BBS9: variants seen among roughly 807,000 people sequenced by gnomAD.
BBS9 encodes the protein protein PTHB1.
BBS9 carries 89 observed loss-of-function variants against 117.7 expected under a neutral mutation model. The ratio of observed to expected loss-of-function variants is 0.76; its 90% confidence interval spans 0.64 to 0.90. The LOEUF is 0.90. BBS9 is among the 40% of genes least tolerant of loss of function. The pLI is 0.00. For synonymous variants in BBS9, 379 were observed against 370.9 expected, an observed-to-expected ratio of 1.02 and a Z score of -0.25; for missense variants, 982 against 1,042.2, an observed-to-expected ratio of 0.94 and a Z score of 0.80.
intron 5 of BBS9, among the ~76,000 whole-genome samples, chr7:33,230,924 G>A (rs908856220): frequency 2.6e-5 from 4 of 151,936 alleles, no homozygotes; most frequent in South Asian, 2.1e-4. Context: ...ATTTTCCTTC[G>A]GGTAGATACC....
intron 4 of BBS9, among the ~76,000 whole-genome samples, chr7:33,174,268 T>A (rs939550888): frequency 6.6e-6 from 1 of 152,220 alleles, no homozygotes; most frequent in African/African-American, 2.4e-5. Context: ...ATAGGCCTAG[T>A]GGGTACCTCG....
At chr7:33,244,156 G>A (rs937972228) in intron 5 of BBS9, among the ~76,000 whole-genome samples, 1 of 152,166 alleles carries the variant, frequency 6.6e-6, no homozygotes, top group African/African-American at 2.4e-5. Context: ...CCTGAACCCG[G>A]GAGGTAGAGG....
intron 19 of BBS9, among the ~76,000 whole-genome samples, chr7:33,465,897 C>A (rs1325147543): frequency 6.6e-6 from 1 of 152,018 alleles, no homozygotes; most frequent in Non-Finnish European, 1.5e-5. Context: ...AAAAGGATTT[C>A]ATTTCTTACT....
At chr7:33,402,141 A>C (rs1452103988) in intron 19 of BBS9, among the ~76,000 whole-genome samples, 1 of 152,132 alleles carries the variant, frequency 6.6e-6, no homozygotes, top group Admixed American at 6.5e-5. Context: ...TAATTTTATG[A>C]ATGTAATTAT....
intron 19 of BBS9, among the ~76,000 whole-genome samples, chr7:33,424,701 G>T (rs1434498128): frequency 1.3e-5 from 2 of 152,114 alleles, no homozygotes; most frequent in Admixed American, 1.3e-4. Flanking sequence ...AGACCATAGT[G>T]TAATGAAATT....
chr7:33,421,654 A>G (rs78571438), intron 19 of BBS9, among the ~76,000 whole-genome samples: 3,964 of 152,290 alleles, frequency 0.026, 173 homozygotes, highest in African/African-American at 0.091. Context: ...ATGTTGAGAT[A>G]TAGAGGGATT....
At chr7:33,146,052 C>T (rs754299141) in intron 1 of BBS9, among the ~76,000 whole-genome samples, 190 bp from the exon 2 acceptor site, 30 of 152,176 alleles carry the variant, frequency 2.0e-4, no homozygotes, top group Non-Finnish European at 3.7e-4. Context: ...AATTTACTAA[C>T]GGTGTTGCAA....
intron 2 of BBS9, among the ~76,000 whole-genome samples, chr7:33,149,575 A>T (rs1327289686): frequency 1.3e-5 from 2 of 152,200 alleles, no homozygotes; most frequent in African/African-American, 4.8e-5. Context: ...AGGGAGAGAG[A>T]GAGGATCTGA....
chr7:33,488,082 C>T (rs917066374), intron 19 of BBS9, among the ~76,000 whole-genome samples: 1 of 152,156 alleles, frequency 6.6e-6, no homozygotes, highest in African/African-American at 2.4e-5. Context: ...ATGGAGAGGG[C>T]TGTCACTCCA....
intron 5 of BBS9, among the ~76,000 whole-genome samples, chr7:33,227,831 A>G (rs1791590989): frequency 6.6e-6 from 1 of 152,042 alleles, no homozygotes; most frequent in Admixed American, 6.6e-5. Flanking sequence ...GTGTATATAT[A>G]CCATATTTTC....
chr7:33,554,590 A>G (rs924182034), intron 21 of BBS9, among the ~76,000 whole-genome samples: 2 of 152,104 alleles, frequency 1.3e-5, no homozygotes, highest in African/African-American at 2.4e-5. Flanking sequence ...AGGGAAGAAC[A>G]GTGTGTGTGT....
chr7:33,563,967 T>TA (rs2129121915), intron 21 of BBS9, among the ~76,000 whole-genome samples: 1 of 152,290 alleles, frequency 6.6e-6, no homozygotes, highest in South Asian at 2.1e-4. Context: ...ACCACATACT[T>TA]ACTGGAACTT....
chr7:33,581,401 A>G (rs774939867), intron 21 of BBS9, among the ~76,000 whole-genome samples: 13 of 152,112 alleles, frequency 8.5e-5, no homozygotes, highest in Non-Finnish European at 1.6e-4. Flanking sequence ...ACTTTACCTC[A>G]GCCTTAACTT....
intron 19 of BBS9, among the ~76,000 whole-genome samples, chr7:33,485,132 T>G (rs908122260): frequency 6.6e-6 from 1 of 152,056 alleles, no homozygotes; most frequent in Non-Finnish European, 1.5e-5. Flanking sequence ...CAACACACAC[T>G]GGGACCTGTC....
At chr7:33,629,340 A>G (rs2129227965) in intron 21 of BBS9, among the ~76,000 whole-genome samples, 1 of 152,278 alleles carries the variant, frequency 6.6e-6, no homozygotes, top group South Asian at 2.1e-4. Context: ...GTGTGAGCTC[A>G]TTTAAAAAAT....
intron 21 of BBS9, among the ~76,000 whole-genome samples, chr7:33,575,239 T>C (rs577189299): frequency 6.6e-6 from 1 of 152,250 alleles, no homozygotes; most frequent in South Asian, 2.1e-4. Flanking sequence ...TTAGTTGAAT[T>C]AGAGTGGTGT....
intron 6 of BBS9, among the ~76,000 whole-genome samples, chr7:33,260,525 T>C (rs1797810542): frequency 6.6e-6 from 1 of 152,196 alleles, no homozygotes; most frequent in Non-Finnish European, 1.5e-5. Context: ...CATTATCAGG[T>C]TCTTGAGAGA....
intron 21 of BBS9, among the ~76,000 whole-genome samples, chr7:33,567,027 A>T (rs1306090389): frequency 6.6e-6 from 1 of 152,168 alleles, no homozygotes; most frequent in Non-Finnish European, 1.5e-5. Flanking sequence ...GGAGATAGGA[A>T]TGATGATGGG....
Position 33,605,609 on chromosome 7 carries a change from A to G in BBS9, c.*383A>G, listed in dbSNP as rs1864480028. On this transcript the variant is annotated 3_prime_UTR_variant, in exon 23 of 23. Coordinates refer to ENST00000242067, the MANE Select transcript of BBS9 (RefSeq NM_198428.3). ...TTATATAGTAAATGTATCAAGTTTA[A>G]TAAAGCATCTCATTGTCAAATAATA... is the stretch of plus-strand genomic sequence containing the variant. 4.0e-6 allele frequency: 1 copy of G among 251,116 alleles called. No individual in the cohort carries two copies. The highest frequency in any genetic ancestry group is 5.0e-5 in the Admixed American group (1 of 19,842). The allele number at this position is 251,116 out of a possible 1,614,324, so 15.6% of individuals were successfully genotyped here. A position where few individuals can be genotyped will look rare whatever the true frequency, so the allele number is the denominator to read the frequency against.
Sources: gnomAD v4.1 joint callset for allele counts (sites outside exome capture counted in the v4.1 genomes callset) on GRCh38, gnomAD v4.1.1 for gene constraint, MANE v1.5 for transcripts, NCBI Gene and HGNC (gene_info 2026-07-23, HGNC 2026-07-21) for gene names.